Variants in ENOX2 observed in about 807,000 individuals in gnomAD.
The protein encoded by ENOX2 is APK1 antigen.
ENOX2 carries 36 observed loss-of-function variants against 45.0 expected under a neutral mutation model. That is an observed-to-expected ratio of 0.80 (90% confidence interval 0.61 to 1.06). The LOEUF (loss-of-function observed/expected upper bound fraction) is 1.06, where lower values mean the gene tolerates loss of function less well. ENOX2 is among the 50% of genes least tolerant of loss of function. The probability of loss-of-function intolerance (pLI) is 0.00; values close to 1 mark genes in which losing one functional copy is unlikely to be tolerated. For missense variants in ENOX2, 423 were observed against 462.5 expected, an observed-to-expected ratio of 0.91 and a Z score of 0.78; for synonymous variants, 174 against 152.3, an observed-to-expected ratio of 1.14 and a Z score of -1.05.
Position 130,784,034 on chromosome X carries a change from G to T in ENOX2, c.-182-344C>A, listed in dbSNP as rs781209632. On this transcript the variant is annotated intron_variant, in intron 2 of 14. Transcript: ENST00000394363. Reference sequence around the variant, plus strand: ...AAAAAGTTTGGCTTTGCATTCCTTGGATTATCTCCTGACATTTTACCATTC... The same window carrying T: ...AAAAAGTTTGGCTTTGCATTCCTTGTATTATCTCCTGACATTTTACCATTC... Among the ~76,000 whole-genome samples the T allele has an allele frequency of 4.5e-5, 5 of 111,565 alleles. No individual in the cohort carries two copies. In the East Asian group the frequency reaches 1.4e-3, roughly 31 times the overall value.
chrX:130,766,834 T>C (rs375088550), intron 3 of ENOX2, among the ~76,000 whole-genome samples: 2 of 112,000 alleles, frequency 1.8e-5, no homozygotes, highest in East Asian at 5.6e-4. Flanking sequence ...TTTGACATTA[T>C]TTCATGTAAT....
chrX:130,696,148 T>C (rs2037753587), intron 4 of ENOX2, among the ~76,000 whole-genome samples: 1 of 112,239 alleles, frequency 8.9e-6, no homozygotes, highest in Non-Finnish European at 1.9e-5. Flanking sequence ...TGTGGCACAA[T>C]TTCAGTTCAC....
At chrX:130,871,823 G>A (rs1373778175) in intron 2 of ENOX2, among the ~76,000 whole-genome samples, 1 of 111,205 alleles carries the variant, frequency 9.0e-6, no homozygotes, top group Non-Finnish European at 1.9e-5. Flanking sequence ...AGGAATCGAT[G>A]CAGATATTTG....
intron 2 of ENOX2, among the ~76,000 whole-genome samples, chrX:130,809,822 G>A (rs761358215): frequency 9.0e-6 from 1 of 110,746 alleles, no homozygotes; most frequent in Admixed American, 9.6e-5. Flanking sequence ...ATAATACAAT[G>A]TGATACATAC....
At chrX:130,899,060 A>G (rs1173292810) in intron 2 of ENOX2, among the ~76,000 whole-genome samples, 1 of 110,938 alleles carries the variant, frequency 9.0e-6, no homozygotes, top group African/African-American at 3.3e-5. Flanking sequence ...GGCAGGAGGA[A>G]GATGAACTCT....
intron 9 of ENOX2, among the ~76,000 whole-genome samples, chrX:130,662,841 A>T (rs768180221): frequency 5.3e-5 from 6 of 112,469 alleles, no homozygotes; most frequent in Non-Finnish European, 1.1e-4. Context: ...GATTTGAGAT[A>T]TTCAAGGTGG....
At chrX:130,771,191 C>A (rs1301361656) in intron 3 of ENOX2, among the ~76,000 whole-genome samples, 1 of 112,127 alleles carries the variant, frequency 8.9e-6, no homozygotes, top group Admixed American at 9.4e-5. Context: ...GCTTGTTATA[C>A]GAGTATGCTG....
chrX:130,817,687 G>A (rs1418130273), intron 2 of ENOX2, among the ~76,000 whole-genome samples: 1 of 112,173 alleles, frequency 8.9e-6, no homozygotes, highest in South Asian at 3.7e-4. Flanking sequence ...CTCAATAGAT[G>A]CAGAAAAGGT....
chrX:130,753,058 C>T (rs1027493480), intron 3 of ENOX2, among the ~76,000 whole-genome samples: 4 of 111,486 alleles, frequency 3.6e-5, no homozygotes, highest in African/African-American at 9.8e-5. Context: ...TTTGTCTGTC[C>T]ATGTGAGTGT....
At chrX:130,750,222 T>C (rs1050657203) in intron 3 of ENOX2, among the ~76,000 whole-genome samples, 8 of 112,038 alleles carry the variant, frequency 7.1e-5, no homozygotes, top group Non-Finnish European at 1.3e-4. Context: ...TATGTCTGCC[T>C]TCCTGTCTCT....
chrX:130,784,240 G>T (rs1229046078), intron 2 of ENOX2, among the ~76,000 whole-genome samples: 1 of 111,622 alleles, frequency 9.0e-6, no homozygotes, highest in Non-Finnish European at 1.9e-5. Flanking sequence ...TGGAGCAATG[G>T]GGAATTATGA....
At position 130,625,336 on chromosome X, in the gene ENOX2, A is replaced by G; in HGVS notation, c.1724T>C (p.Phe575Ser). ...SLEKRWKFCG[F>S]EGLKLT The stretch of plus-strand genomic sequence containing the variant: ...GATTTAGGTCAGCTTCAAGCCCTCG[A>G]AGCCACAGAATTTCCATCTCTTTTC... The change falls in exon 15 of 15, where the codon TTC becomes TCC. Residue 575 changes from phenylalanine to serine, a missense_variant. Coordinates refer to ENST00000394363, the MANE Select transcript of ENOX2 (RefSeq NM_006375.4). 8.3e-7 allele frequency: 1 copy of G among 1,211,660 alleles called. No homozygotes were observed.
At chrX:130,886,310 TA>T (rs2078901396) in intron 2 of ENOX2, among the ~76,000 whole-genome samples, 1 of 112,849 alleles carries the variant, frequency 8.9e-6, no homozygotes, top group Admixed American at 9.4e-5. Flanking sequence ...ATTTTAAGAA[TA>T]ATAAAGCAAC....
chrX:130,900,225 T>C (rs747944348), intron 2 of ENOX2, among the ~76,000 whole-genome samples: 7 of 113,122 alleles, frequency 6.2e-5, no homozygotes, highest in African/African-American at 1.9e-4. Flanking sequence ...ATGTGTACTA[T>C]TACTACTTAA....
intron 6 of ENOX2, among the ~76,000 whole-genome samples, chrX:130,679,284 G>A (rs2037236149): frequency 9.0e-6 from 1 of 110,885 alleles, no homozygotes; most frequent in Non-Finnish European, 1.9e-5. Context: ...GAAGGACTGG[G>A]AGATGACTCT....
At chrX:130,631,663 C>G (rs996909936) in intron 12 of ENOX2, 87 bp from the exon 13 acceptor site, 14 of 500,969 alleles carry the variant, frequency 2.8e-5, no homozygotes, top group East Asian at 1.0e-4. Flanking sequence ...TAACTTAACA[C>G]AGGACCATAA....
chrX:130,831,125 A>G (rs1032427763), intron 2 of ENOX2, among the ~76,000 whole-genome samples: 1 of 110,617 alleles, frequency 9.0e-6, no homozygotes, highest in Non-Finnish European at 1.9e-5. Flanking sequence ...TGCAATAACT[A>G]ATCCAGTCCT....
chrX:130,645,629 C>G, intron 10 of ENOX2: 1 of 396,572 alleles, frequency 2.5e-6, no homozygotes, highest in Non-Finnish European at 4.4e-6. Flanking sequence ...CCATGGGGCC[C>G]GCGCCCGCCT....
intron 8 of ENOX2, among the ~76,000 whole-genome samples, chrX:130,666,591 A>G (rs2036839827): frequency 9.0e-6 from 1 of 111,375 alleles, no homozygotes; most frequent in African/African-American, 3.3e-5. Flanking sequence ...CCTGTCTTCT[A>G]ATGACTTAAG....
Sources: gnomAD v4.1 joint callset for allele counts (sites outside exome capture counted in the v4.1 genomes callset) on GRCh38, gnomAD v4.1.1 for gene constraint, MANE v1.5 for transcripts, NCBI Gene and HGNC (gene_info 2026-07-23, HGNC 2026-07-21) for gene names.